The following APLF variants were observed in gnomAD, a reference collection of about 807,000 sequenced individuals.
The protein encoded by APLF is aprataxin and PNK-like factor.
APLF carries 61 observed loss-of-function variants against 55.6 expected under a neutral mutation model. The observed-to-expected ratio is 1.10, with a 90% CI of 0.89 to 1.36. The LOEUF (loss-of-function observed/expected upper bound fraction) is 1.36. APLF is among the 40% of genes most tolerant of loss of function. APLF has a pLI of 0.00. For missense variants in APLF, 611 were observed against 602.5 expected, an observed-to-expected ratio of 1.01 and a Z score of -0.15; for synonymous variants, 207 against 214.8, an observed-to-expected ratio of 0.96 and a Z score of 0.32.
At chr2:68,525,738 C>CTTTTTTTTTTTTT (rs1316999754) in intron 5 of APLF, among the ~76,000 whole-genome samples, 1 of 106,850 alleles carries the variant, frequency 9.4e-6, no homozygotes, top group African/African-American at 4.7e-5. Context: ...TATTTTCTTT[C>CTTTTTTTTTTTTT]TTTCTTTTTT....
At chr2:68,503,490 TGGAC>T (rs1676785036) in intron 3 of APLF, among the ~76,000 whole-genome samples, 1 of 152,136 alleles carries the variant, frequency 6.6e-6, no homozygotes, top group African/African-American at 2.4e-5. Context: ...TAGAAGTAGA[TGGAC>T]AGAATTATGC....
At chr2:68,481,462 G>C (rs1675955670) in intron 1 of APLF, among the ~76,000 whole-genome samples, 1 of 152,132 alleles carries the variant, frequency 6.6e-6, no homozygotes, top group Non-Finnish European at 1.5e-5. Context: ...TTTCTGCTGA[G>C]AAATCTGCTG....
intron 1 of APLF, among the ~76,000 whole-genome samples, chr2:68,487,918 T>G (rs992636714): frequency 6.6e-6 from 1 of 152,150 alleles, no homozygotes; most frequent in Non-Finnish European, 1.5e-5. Context: ...ACACATAGCT[T>G]GTAATGAAAT....
chr2:68,578,375 G>T lies in APLF; in HGVS notation c.*353G>T, dbSNP rs775878420. 9.8e-7 allele frequency: 1 copy of T among 1,023,844 alleles called. No individual in the cohort carries two copies. Among genetic ancestry groups the T allele is most frequent in the Non-Finnish European group, 1.2e-6 (1 of 853,408 alleles). The allele number at this position is 1,023,844 out of a possible 1,614,324, so 63.4% of individuals were successfully genotyped here. A position where few individuals can be genotyped will look rare whatever the true frequency, so the allele number is the denominator to read the frequency against. On this transcript the variant is annotated 3_prime_UTR_variant, in exon 10 of 10. Transcript: ENST00000303795. ...TTTAAATTTTTTTCCAAAGATTATGGAGTACTCTGCAAGTATAACCAGGCA... is the reference window on the plus strand; with the variant it reads ...TTTAAATTTTTTTCCAAAGATTATGTAGTACTCTGCAAGTATAACCAGGCA...
At chr2:68,556,302 G>T (rs1238210193) in intron 8 of APLF, among the ~76,000 whole-genome samples, 1 of 152,014 alleles carries the variant, frequency 6.6e-6, no homozygotes. Context: ...CACCACTAAA[G>T]AACCTACTCA....
chr2:68,568,320 A>G (rs941099933), intron 9 of APLF: 3 of 985,140 alleles, frequency 3.0e-6, no homozygotes, highest in African/African-American at 1.7e-5. Context: ...TTGCATTTAT[A>G]TGTGCATACA....
chr2:68,528,388 A>C (rs1187161837), intron 6 of APLF: 8 of 1,533,992 alleles, frequency 5.2e-6, no homozygotes, highest in Non-Finnish European at 7.0e-6. Flanking sequence ...GTGCCTCAGG[A>C]GATAGACATG....
intron 6 of APLF, chr2:68,528,612 G>C (rs1260585386): frequency 1.9e-5 from 29 of 1,533,534 alleles, no homozygotes; most frequent in Non-Finnish European, 2.5e-5. Flanking sequence ...CTGGGCAGGT[G>C]GTCTTTACCC....
At chr2:68,512,442 G>C (rs1041292951) in intron 3 of APLF, among the ~76,000 whole-genome samples, 1 of 151,726 alleles carries the variant, frequency 6.6e-6, no homozygotes, top group Non-Finnish European at 1.5e-5. Context: ...AGACAAATTC[G>C]TTGGATCATG....
At chr2:68,501,965 G>T (rs1393378513) in intron 2 of APLF, among the ~76,000 whole-genome samples, 1 of 152,154 alleles carries the variant, frequency 6.6e-6, no homozygotes, top group Admixed American at 6.6e-5. Context: ...GGCCGCATCT[G>T]GTGAGAGCTT....
chr2:68,508,744 A>T (rs1290252661), intron 3 of APLF, among the ~76,000 whole-genome samples: 1 of 152,094 alleles, frequency 6.6e-6, no homozygotes, highest in Non-Finnish European at 1.5e-5. Context: ...TGGAAACAAA[A>T]AAGAGCCCAC....
chr2:68,491,109 TA>T (rs1676344567), intron 2 of APLF, among the ~76,000 whole-genome samples: 2 of 152,328 alleles, frequency 1.3e-5, no homozygotes, highest in Non-Finnish European at 1.5e-5. Flanking sequence ...ATTTTTTGAA[TA>T]AAAAATTATT....
rs1670169643 is a variant in APLF at position 68,529,162 on chromosome 2, TGA to T, written c.804+2922_804+2923del. ...GAGCAGACAGCACGGGTTTCTTCCT[TGA>T]GGGGGGGCTCCAGACAACAGGAGGC... is the stretch of plus-strand genomic sequence containing the variant. On this transcript the variant is annotated intron_variant, in intron 6 of 9. Transcript: ENST00000303795. The surrounding 1 kb of genome is among the most constrained non-coding windows in gnomAD (Gnocchi z 4.4). 1 of 1,298,128 alleles carries T rather than the reference TGA, an allele frequency of 7.7e-7. No individual in the cohort carries two copies. The highest frequency in any genetic ancestry group is 1.6e-5 in the African/African-American group (1 of 63,742). 80.4% of individuals were successfully genotyped at this position (1,298,128 alleles called of 1,614,324 possible).
chr2:68,509,220 T>C (rs1030269772), intron 3 of APLF, among the ~76,000 whole-genome samples: 1 of 152,000 alleles, frequency 6.6e-6, no homozygotes, highest in African/African-American at 2.4e-5. Context: ...AATTGACAAA[T>C]GGGATCTCAT....
chr2:68,512,600 A>G (rs1669418844), intron 3 of APLF, among the ~76,000 whole-genome samples: 1 of 151,794 alleles, frequency 6.6e-6, no homozygotes, highest in African/African-American at 2.4e-5. Flanking sequence ...CAGCTATACT[A>G]CAAGTTTGGG....
intron 8 of APLF, among the ~76,000 whole-genome samples, chr2:68,558,472 T>C (rs1266912950): frequency 6.6e-6 from 1 of 152,208 alleles, no homozygotes; most frequent in Non-Finnish European, 1.5e-5. Context: ...TTGCTTCAGG[T>C]TTTAAAATAC....
In APLF at chr2:68,526,074, G is replaced by A; in HGVS notation, c.636G>A (p.Gln212=). ...TATGTGTTTAAGGTAATGTAATCCA[G>A]GGAAGTGGAAAAGAAGAAATCTGCA... The part of the protein sequence containing the change: ...VPAISGGNVI[Q]GSGKEEICKD... Residue 212 remains glutamine, a synonymous_variant, in exon 6 of 10, where the codon CAG becomes CAA. Coordinates refer to ENST00000303795, the MANE Select transcript of APLF (RefSeq NM_173545.3). The A allele has an allele frequency of 6.2e-7, 1 of 1,612,642 alleles. No individual in the cohort carries two copies. The highest frequency in any genetic ancestry group is 8.5e-7 in the Non-Finnish European group (1 of 1,179,630).
intron 6 of APLF, chr2:68,528,760 C>A: frequency 6.7e-7 from 1 of 1,488,594 alleles, no homozygotes; most frequent in Non-Finnish European, 9.0e-7. Context: ...CTCCATGGCC[C>A]TTGGAGTAGA....
At chr2:68,496,294 G>A (rs1299885864) in intron 2 of APLF, among the ~76,000 whole-genome samples, 3 of 152,074 alleles carry the variant, frequency 2.0e-5, no homozygotes, top group South Asian at 2.1e-4. Flanking sequence ...TAGTGGAGAT[G>A]GGGTTTTGCC....
Sources: gnomAD v4.1 joint callset for allele counts (sites outside exome capture counted in the v4.1 genomes callset) on GRCh38, gnomAD v4.1.1 for gene constraint, Gnocchi (gnomAD v3.1) non-coding constraint, MANE v1.5 for transcripts, NCBI Gene and HGNC (gene_info 2026-07-23, HGNC 2026-07-21) for gene names.